EDIL3: variants seen among roughly 807,000 people sequenced by gnomAD.
EDIL3 encodes EGF like and discoidin domains 3.
EDIL3 carries 37 observed loss-of-function variants against 67.4 expected under a neutral mutation model. That is an observed-to-expected ratio of 0.55 (90% CI 0.42 to 0.72). The LOEUF (loss-of-function observed/expected upper bound fraction) is 0.72. Ranked by LOEUF, EDIL3 falls within the 30% of genes least tolerant of loss-of-function variation. The pLI, the probability that EDIL3 is intolerant of heterozygous loss-of-function variation, is 0.00. For synonymous variants in EDIL3, 195 were observed against 196.3 expected (o/e 0.99, Z 0.05); for missense variants, 527 against 586.3 (o/e 0.90, Z 1.04).
chr5:84,064,788 G>T lies in EDIL3; in HGVS notation c.864C>A (p.Pro288=). 2 of 1,613,574 alleles carry T rather than the reference G, an allele frequency of 1.2e-6. No homozygotes were observed. Among genetic ancestry groups the T allele is most frequent in the East Asian group, 2.2e-5 (1 of 44,852 alleles). The change falls in exon 8 of 11, where the codon CCC becomes CCA. Residue 288 remains proline (P), a synonymous_variant. Transcript: ENST00000296591. ...NTPYANSFTP[P]IKAQYVRLYP... is the part of the protein sequence containing the mutation. ...AGAGTCTTACATACTGAGCTTTTAT[G>T]GGGGGTGTGAAAGAGTTAGCATATG...
intron 5 of EDIL3, among the ~76,000 whole-genome samples, chr5:84,127,730 AT>A (rs1269226076): frequency 3.3e-5 from 5 of 150,986 alleles, no homozygotes; most frequent in Non-Finnish European, 7.4e-5. Flanking sequence ...CTTTTATTTT[AT>A]TTTTTTCGTA....
chr5:84,231,144 C>T (rs1744569061), intron 2 of EDIL3, among the ~76,000 whole-genome samples: 1 of 152,146 alleles, frequency 6.6e-6, no homozygotes, highest in African/African-American at 2.4e-5. Flanking sequence ...AACTGTAACT[C>T]ATACAAGTGT....
intron 9 of EDIL3, among the ~76,000 whole-genome samples, chr5:83,988,690 G>C (rs549500223): frequency 3.9e-5 from 6 of 152,246 alleles, no homozygotes; most frequent in African/African-American, 1.4e-4. Flanking sequence ...TCAAATGAGA[G>C]CGGTATGAAA....
chr5:84,319,499 A>T (rs1441290459), intron 1 of EDIL3, among the ~76,000 whole-genome samples: 1 of 9,720 alleles, frequency 1.0e-4, no homozygotes, highest in Non-Finnish European at 5.9e-4. Flanking sequence ...AACAACAAAA[A>T]AAAAAAAAAA....
intron 6 of EDIL3, among the ~76,000 whole-genome samples, chr5:84,106,072 A>G (rs1747455087): frequency 1.3e-5 from 2 of 152,128 alleles, no homozygotes; most frequent in Non-Finnish European, 1.5e-5. Context: ...AAATGTACAG[A>G]AATATAAGCT....
intron 5 of EDIL3, among the ~76,000 whole-genome samples, chr5:84,134,727 T>C (rs747674394): frequency 1.3e-5 from 2 of 152,106 alleles, no homozygotes; most frequent in African/African-American, 2.4e-5. Flanking sequence ...GTCCTTAAAA[T>C]TTAATAAAAT....
intron 9 of EDIL3, among the ~76,000 whole-genome samples, chr5:83,979,477 T>A: frequency 6.6e-6 from 1 of 152,108 alleles, no homozygotes; most frequent in East Asian, 1.9e-4. Flanking sequence ...GCATTACTGT[T>A]TTAGCAAATA....
intron 1 of EDIL3, among the ~76,000 whole-genome samples, chr5:84,378,945 T>C (rs921155446): frequency 6.6e-6 from 1 of 152,202 alleles, no homozygotes; most frequent in Non-Finnish European, 1.5e-5. Context: ...TTGCAATCTT[T>C]TAATAATGAT....
intron 1 of EDIL3, among the ~76,000 whole-genome samples, chr5:84,354,920 T>A (rs940013415): frequency 6.6e-6 from 1 of 152,172 alleles, no homozygotes; most frequent in South Asian, 2.1e-4. Context: ...CTATTATTTT[T>A]TCCTTCATTT....
intron 1 of EDIL3, among the ~76,000 whole-genome samples, chr5:84,296,310 A>G (rs1443785305): frequency 1.3e-5 from 2 of 152,198 alleles, no homozygotes; most frequent in African/African-American, 4.8e-5. Flanking sequence ...CTGTTGTATC[A>G]ACATTCAATT....
At chr5:84,358,793 G>A (rs986538030) in intron 1 of EDIL3, among the ~76,000 whole-genome samples, 4 of 151,630 alleles carry the variant, frequency 2.6e-5, no homozygotes, top group African/African-American at 9.7e-5. Context: ...GTATTTTTTA[G>A]TAGAGACGGG....
intron 1 of EDIL3, among the ~76,000 whole-genome samples, chr5:84,271,906 G>T (rs757186582): frequency 8.5e-5 from 13 of 152,062 alleles, no homozygotes; most frequent in Non-Finnish European, 1.9e-4. Context: ...TTCCATTTTG[G>T]ATACTTAGTT....
intron 3 of EDIL3, among the ~76,000 whole-genome samples, chr5:84,184,121 C>T (rs966542694): frequency 2.0e-4 from 30 of 152,008 alleles, no homozygotes; most frequent in African/African-American, 7.3e-4. Flanking sequence ...ACAACAACAA[C>T]AAAACAACAA....
intron 2 of EDIL3, among the ~76,000 whole-genome samples, chr5:84,245,450 C>T (rs2112065038): frequency 6.6e-6 from 1 of 152,210 alleles, no homozygotes; most frequent in Admixed American, 6.5e-5. Context: ...CTTGTCATAA[C>T]TGCTTAAAAG....
intron 2 of EDIL3, among the ~76,000 whole-genome samples, chr5:84,237,052 G>T (rs776012968): frequency 6.6e-6 from 1 of 152,004 alleles, no homozygotes; most frequent in Non-Finnish European, 1.5e-5. Context: ...CAGCTCACTA[G>T]ATATGAATTT....
At chr5:84,077,948 G>C (rs1322538805) in intron 6 of EDIL3, among the ~76,000 whole-genome samples, 1 of 150,306 alleles carries the variant, frequency 6.7e-6, no homozygotes, top group Non-Finnish European at 1.5e-5. Flanking sequence ...GTAACTCAGA[G>C]AAAATCTTCA....
chr5:84,239,493 G>A (rs1303364400), intron 2 of EDIL3, among the ~76,000 whole-genome samples: 5 of 151,650 alleles, frequency 3.3e-5, no homozygotes, highest in Non-Finnish European at 7.4e-5. Context: ...CAATGTGCAG[G>A]TTTGTTACAT....
Position 84,191,908 on chromosome 5 carries a change from C to T in EDIL3, c.227-11387G>A, listed in dbSNP as rs75226151. Among the ~76,000 whole-genome samples, 1,409 of 152,006 alleles carry T rather than the reference C, an allele frequency of 9.3e-3. 22 individuals are homozygous for T. Among genetic ancestry groups the T allele is most frequent in the African/African-American group, 0.031 (1,289 of 41,486 alleles). On this transcript the variant is annotated intron_variant, in intron 3 of 10. Transcript: ENST00000296591. ...GTGTATATCAATTTACATAGACAAA[C>T]TAAATAAGAATTTTAAAACTAAGAA... is the stretch of plus-strand genomic sequence containing the variant.
chr5:84,082,846 G>C (rs1357530277), intron 6 of EDIL3, among the ~76,000 whole-genome samples: 1 of 152,096 alleles, frequency 6.6e-6, no homozygotes, highest in African/African-American at 2.4e-5. Context: ...TAGCTGCTAG[G>C]AATGTTTTAT....
Sources: gnomAD v4.1 joint callset for allele counts (sites outside exome capture counted in the v4.1 genomes callset) on GRCh38, gnomAD v4.1.1 for gene constraint, MANE v1.5 for transcripts, NCBI Gene and HGNC (gene_info 2026-07-23, HGNC 2026-07-21) for gene names.